Variants in MYH15 observed in about 807,000 individuals in gnomAD.
The protein encoded by MYH15 is myosin-15.
Under a neutral mutation model 240.5 loss-of-function variants are expected in MYH15, and 227 were observed. The observed-to-expected ratio is 0.94, with a 90% CI of 0.85 to 1.05. MYH15 has a LOEUF of 1.05. MYH15 is among the 50% of genes least tolerant of loss of function. The pLI, the probability that MYH15 is intolerant of heterozygous loss-of-function variation, is 0.00. For missense variants in MYH15, 2,217 were observed against 2,247.5 expected (o/e 0.99, Z 0.27); for synonymous variants, 785 against 796.7 (o/e 0.99, Z 0.25).
intron 1 of MYH15, among the ~76,000 whole-genome samples, chr3:108,524,427 A>C (rs1246734783): frequency 6.6e-6 from 1 of 151,924 alleles, no homozygotes; most frequent in African/African-American, 2.4e-5. Flanking sequence ...TTCAATTTGC[A>C]ATTGTTCTTT....
chr3:108,529,161 G>T, intron 1 of MYH15: 1 of 1,071,024 alleles, frequency 9.3e-7, no homozygotes, highest in Non-Finnish European at 1.4e-6. Context: ...TAATTGGTGT[G>T]CTGCTGATTA....
intron 11 of MYH15, among the ~76,000 whole-genome samples, chr3:108,479,785 C>A (rs1315585927): frequency 6.6e-6 from 1 of 152,176 alleles, no homozygotes; most frequent in Non-Finnish European, 1.5e-5. Flanking sequence ...AAAAAGGAAT[C>A]TTTTCCAAAT....
chr3:108,492,222 A>ACC lies in MYH15; in HGVS notation c.871+277_871+278insGG, dbSNP rs1471874318. Among the ~76,000 whole-genome samples the ACC allele has an allele frequency of 6.2e-3, 873 of 139,920 alleles. 4 individuals carry two copies. Among genetic ancestry groups the ACC allele is most frequent in the African/African-American group, 0.021 (829 of 39,500 alleles). 91.8% of individuals were successfully genotyped at this position (139,920 alleles called of 152,430 possible). ...TTTATACACACACACACACACACAC[A>ACC]CACACTCACTCACCTCTGCTGGGCA... On this transcript the variant is annotated intron_variant, in intron 9 of 40. Coordinates refer to ENST00000693548, the MANE Select transcript of MYH15 (RefSeq NM_014981.3).
chr3:108,390,107 C>T (rs903667327), intron 37 of MYH15, among the ~76,000 whole-genome samples: 5 of 152,120 alleles, frequency 3.3e-5, no homozygotes, highest in African/African-American at 1.2e-4. Flanking sequence ...GGGATGTGAG[C>T]TCTTACAGGC....
At chr3:108,547,639 T>G in the MYH15 span, among the ~76,000 whole-genome samples, 2 of 152,182 alleles carry the variant, frequency 1.3e-5, no homozygotes, top group Non-Finnish European at 2.9e-5. Flanking sequence ...GTAAATGCTG[T>G]ATTAACTGAA....
intron 22 of MYH15, among the ~76,000 whole-genome samples, chr3:108,443,588 G>A (rs570678191): frequency 5.9e-5 from 9 of 152,264 alleles, no homozygotes; most frequent in Admixed American, 2.6e-4. Context: ...ACAGTAGTCC[G>A]AGGGCTAGGG....
Position 108,523,013 on chromosome 3 carries a change from A to G in MYH15, c.-58+6250T>C, listed in dbSNP as rs565319413. 2.6e-5 allele frequency among the ~76,000 whole-genome samples: 4 copies of G among 152,244 alleles called. No individual in the cohort carries two copies. In the East Asian group the frequency reaches 7.7e-4, roughly 29 times the overall value. On this transcript the variant is annotated intron_variant, in intron 1 of 41. Transcript: ENST00000273353. ...ATTTTGTTGGTGTGATTTGAGAACAAGAACATTTGCGAAAGGACTTGATGT... is the reference window on the plus strand; with the variant it reads ...ATTTTGTTGGTGTGATTTGAGAACAGGAACATTTGCGAAAGGACTTGATGT...
At position 108,439,916 on chromosome 3, in the gene MYH15, G is replaced by A; in HGVS notation, c.2899-3C>T. 6.4e-7 allele frequency: 1 copy of A among 1,567,578 alleles called. No individual in the cohort carries two copies. Among genetic ancestry groups the A allele is most frequent in the South Asian group, 1.2e-5 (1 of 82,458 alleles). The stretch of plus-strand genomic sequence containing the variant: ...ACTTCCTCAGTCAAGTTCTTGACCT[G>A]TGGGAAGAAGATGACAGCTTCATTA... On this transcript the variant is annotated splice_polypyrimidine_tract_variant and splice_region_variant and intron_variant, in intron 23 of 40. Transcript: ENST00000693548.
intron 24 of MYH15, 58 bp from the exon 25 acceptor site, chr3:108,437,757 A>G: frequency 6.6e-7 from 1 of 1,524,254 alleles, no homozygotes; most frequent in Non-Finnish European, 8.8e-7. Context: ...ACTTCACTAG[A>G]TGTGTTCATT....
intron 2 of MYH15, among the ~76,000 whole-genome samples, chr3:108,504,424 A>T (rs918256080): frequency 1.3e-5 from 2 of 152,218 alleles, no homozygotes; most frequent in Non-Finnish European, 2.9e-5. Flanking sequence ...TGTCAGGAAG[A>T]CATATGAAAG....
chr3:108,445,603 G>C (rs10933944), intron 21 of MYH15, among the ~76,000 whole-genome samples: 12,249 of 151,882 alleles, frequency 0.081, 1,281 homozygotes, highest in East Asian at 0.53. Flanking sequence ...TTAAACCCAA[G>C]CACCAGAAGT....
intron 30 of MYH15, among the ~76,000 whole-genome samples, chr3:108,411,274 A>G (rs973339046): frequency 6.6e-6 from 1 of 152,198 alleles, no homozygotes; most frequent in South Asian, 2.1e-4. Flanking sequence ...GAAAAGGAAG[A>G]TTGTACTGAA....
At chr3:108,500,090 C>T in intron 4 of MYH15, 28 bp downstream of exon 4, 2 of 1,603,906 alleles carry the variant, frequency 1.2e-6, no homozygotes, top group Non-Finnish European at 1.7e-6. Context: ...GATATTTTTA[C>T]TTTTCATTTT....
intron 1 of MYH15, among the ~76,000 whole-genome samples, chr3:108,519,884 T>A (rs1398851299): frequency 6.6e-6 from 1 of 152,196 alleles, no homozygotes; most frequent in Non-Finnish European, 1.5e-5. Context: ...ATTTATTGGT[T>A]TCATATTTTC....
chr3:108,542,048 G>C, the MYH15 span, among the ~76,000 whole-genome samples: 3 of 151,986 alleles, frequency 2.0e-5, no homozygotes, highest in African/African-American at 7.2e-5. Context: ...AGGGATGAAA[G>C]GGAAATAACT....
chr3:108,395,869 A>G (rs2082456805), intron 35 of MYH15, among the ~76,000 whole-genome samples: 1 of 152,102 alleles, frequency 6.6e-6, no homozygotes, highest in Admixed American at 6.5e-5. Context: ...GTGCCGCAGC[A>G]TGGTTTAGGT....
At chr3:108,491,156 G>A (rs140367878) in intron 9 of MYH15, among the ~76,000 whole-genome samples, 6 of 152,090 alleles carry the variant, frequency 3.9e-5, no homozygotes, top group Non-Finnish European at 1.5e-5. Context: ...CCAAAGTGCT[G>A]GGATTACAGG....
At chr3:108,384,869 A>C in intron 38 of MYH15, 87 bp from the exon 39 acceptor site, 1 of 1,161,504 alleles carries the variant, frequency 8.6e-7, no homozygotes, top group Non-Finnish European at 1.2e-6. Flanking sequence ...AATAAGGATC[A>C]GGGAACTTTA....
At chr3:108,472,607 T>C (rs1047664239) in intron 12 of MYH15, among the ~76,000 whole-genome samples, 1 of 152,168 alleles carries the variant, frequency 6.6e-6, no homozygotes, top group African/African-American at 2.4e-5. Flanking sequence ...CTCTGAAACT[T>C]TAAAAAGAAC....
Sources: allele counts gnomAD v4.1 joint callset (sites outside exome capture counted in the v4.1 genomes callset), GRCh38; gene constraint gnomAD v4.1.1; transcripts MANE v1.5; gene names NCBI Gene and HGNC (gene_info 2026-07-23, HGNC 2026-07-21).